The following SVIL variants were observed in gnomAD, a reference collection of about 807,000 sequenced individuals.
SVIL encodes supervillin, also known as archvillin.
In SVIL, 101 loss-of-function variants were observed where a neutral mutation model predicts 240.4. The observed-to-expected ratio is 0.42, with a 90% CI of 0.36 to 0.50. The LOEUF (loss-of-function observed/expected upper bound fraction) is 0.50. SVIL is among the 20% of genes least tolerant of loss of function. The pLI is 0.01. For missense variants in SVIL, 2,512 were observed against 2,818.7 expected (o/e 0.89, Z 2.46); for synonymous variants, 999 against 1,100.0 (o/e 0.91, Z 1.82).
At chr10:29,566,971 C>G (rs1242907218) in intron 2 of SVIL, among the ~76,000 whole-genome samples, 1 of 152,214 alleles carries the variant, frequency 6.6e-6, no homozygotes, top group Non-Finnish European at 1.5e-5. Flanking sequence ...AAGCATCTCT[C>G]CATAGATACT....
intron 1 of SVIL, among the ~76,000 whole-genome samples, chr10:29,617,450 G>A (rs1230032143): frequency 1.3e-5 from 2 of 151,960 alleles, no homozygotes; most frequent in Non-Finnish European, 2.9e-5. Flanking sequence ...GCGTGGTGGT[G>A]CGCACCTGTA....
intron 7 of SVIL, 66 bp downstream of exon 7, chr10:29,535,923 T>C: frequency 6.5e-7 from 1 of 1,527,838 alleles, no homozygotes; most frequent in South Asian, 1.1e-5. Context: ...TGTTAGCTGA[T>C]GTGTGGTCAG....
chr10:29,493,348 A>G lies in SVIL; in HGVS notation c.3885T>C (p.Ser1295=), dbSNP rs979482230. ...CATCTGGCTTCATCACCTCCTTCAC[A>G]GATTTGCCGGTGACAGTGAGCACCG... ...HETVLTVTGK[S]VKEVMKPDDD... is the part of the protein sequence containing the mutation. Residue 1295 remains serine, a synonymous_variant, in exon 21 of 38, where the codon TCT becomes TCC. Transcript: ENST00000355867. 2.2e-5 allele frequency: 35 copies of G among 1,614,088 alleles called. No individual in the cohort carries two copies. The highest frequency in any genetic ancestry group is 3.0e-5 in the Non-Finnish European group (35 of 1,180,044).
chr10:29,663,837 G>A (rs887020477), intron 2 of SVIL, among the ~76,000 whole-genome samples: 36 of 152,192 alleles, frequency 2.4e-4, no homozygotes, highest in African/African-American at 8.4e-4. Context: ...TGGTTCTCCC[G>A]GTGAGTGCTG....
At chr10:29,577,508 T>G (rs1443363351) in intron 1 of SVIL, among the ~76,000 whole-genome samples, 2 of 152,224 alleles carry the variant, frequency 1.3e-5, no homozygotes, top group Non-Finnish European at 2.9e-5. Flanking sequence ...GCAACAGACA[T>G]TATCTCATTC....
At chr10:29,688,132 C>T (rs919831253) in intron 1 of SVIL, among the ~76,000 whole-genome samples, 7 of 152,104 alleles carry the variant, frequency 4.6e-5, no homozygotes, top group African/African-American at 1.7e-4. Flanking sequence ...ACTATTTTCC[C>T]CCAAAGACAC....
intron 5 of SVIL, among the ~76,000 whole-genome samples, chr10:29,552,424 A>T (rs1436466104): frequency 6.6e-6 from 1 of 151,802 alleles, no homozygotes; most frequent in African/African-American, 2.4e-5. Flanking sequence ...TTAGCCAGGC[A>T]TGGTGGTGCG....
intron 17 of SVIL, among the ~76,000 whole-genome samples, chr10:29,509,791 G>A (rs1346962523): frequency 3.9e-5 from 6 of 152,112 alleles, no homozygotes; most frequent in African/African-American, 1.4e-4. Context: ...CGGAGGTTGC[G>A]GTGAGCCGAG....
At chr10:29,590,460 A>G (rs1956349084) in intron 1 of SVIL, among the ~76,000 whole-genome samples, 1 of 152,176 alleles carries the variant, frequency 6.6e-6, no homozygotes, top group Non-Finnish European at 1.5e-5. Context: ...AACCGCATGG[A>G]CAGAATGATA....
At chr10:29,617,170 C>T (rs1036640170) in intron 1 of SVIL, among the ~76,000 whole-genome samples, 1 of 152,296 alleles carries the variant, frequency 6.6e-6, no homozygotes, top group East Asian at 1.9e-4. Context: ...AGCTCTTTTC[C>T]TTTATGAAGA....
intron 1 of SVIL, among the ~76,000 whole-genome samples, chr10:29,582,518 C>T (rs1262279576): frequency 1.3e-5 from 2 of 152,112 alleles, no homozygotes; most frequent in African/African-American, 4.8e-5. Flanking sequence ...AGGAGGACTG[C>T]TTGAGACCAG....
At chr10:29,736,042 G>A (rs997500099), upstream of SVIL, among the ~76,000 whole-genome samples, 1 of 152,174 alleles carries the variant, frequency 6.6e-6, no homozygotes, top group African/African-American at 2.4e-5. Context: ...GACACAGAGG[G>A]GGGCCAAGCA....
chr10:29,558,948 A>AT (rs1564638285), intron 3 of SVIL, among the ~76,000 whole-genome samples: 60 of 142,310 alleles, frequency 4.2e-4, no homozygotes, highest in East Asian at 2.6e-3. Context: ...TATATATATA[A>AT]AAAATATGGT....
At chr10:29,701,388 T>C (rs1962506173) in intron 1 of SVIL, among the ~76,000 whole-genome samples, 1 of 152,226 alleles carries the variant, frequency 6.6e-6, no homozygotes, top group African/African-American at 2.4e-5. Flanking sequence ...GCTTCATCAT[T>C]GGATTTTCCT....
intron 34 of SVIL, among the ~76,000 whole-genome samples, chr10:29,464,771 A>G (rs905155212): frequency 6.9e-6 from 1 of 145,868 alleles, no homozygotes; most frequent in African/African-American, 2.5e-5. Flanking sequence ...CCGGTGCAAG[A>G]TGAGGTCCCT....
chr10:29,628,184 A>G (rs1957948598), intron 1 of SVIL, among the ~76,000 whole-genome samples: 1 of 152,224 alleles, frequency 6.6e-6, no homozygotes, highest in Non-Finnish European at 1.5e-5. Flanking sequence ...AAACATTCAG[A>G]TGTCATTTTC....
intron 3 of SVIL, among the ~76,000 whole-genome samples, chr10:29,642,291 C>T (rs1589440819): frequency 6.6e-6 from 1 of 152,044 alleles, no homozygotes; most frequent in East Asian, 1.9e-4. Context: ...CCCAGCTACT[C>T]CCGAGGCTGA....
At chr10:29,529,867 A>G in intron 11 of SVIL, 23 bp from the exon 12 acceptor site, 1 of 1,588,406 alleles carries the variant, frequency 6.3e-7, no homozygotes, top group Non-Finnish European at 8.6e-7. Context: ...GTATTGTGGA[A>G]CCCTTATAAA....
intron 1 of SVIL, among the ~76,000 whole-genome samples, chr10:29,689,600 C>T (rs1169136934): frequency 6.6e-6 from 1 of 152,216 alleles, no homozygotes; most frequent in Non-Finnish European, 1.5e-5. Context: ...CTTTTTCATA[C>T]TGCATACTGC....
Sources: gnomAD v4.1 joint callset for allele counts (sites outside exome capture counted in the v4.1 genomes callset) on GRCh38, gnomAD v4.1.1 for gene constraint, MANE v1.5 for transcripts, NCBI Gene and HGNC (gene_info 2026-07-23, HGNC 2026-07-21) for gene names.